Variants in GNG2 observed in about 807,000 individuals in gnomAD.
The protein encoded by GNG2 is G protein subunit gamma 2.
A neutral mutation model predicts 5.5 loss-of-function variants in GNG2; 5 were observed. That is an observed-to-expected ratio of 0.91 (90% confidence interval 0.48 to 1.92). The LOEUF (loss-of-function observed/expected upper bound fraction) is 1.92. GNG2 is among the 30% of genes most tolerant of loss of function. GNG2 has a pLI of 0.01. For missense variants in GNG2, 55 were observed against 88.4 expected (o/e 0.62, Z 1.52); for synonymous variants, 28 against 32.0 (o/e 0.88, Z 0.42).
At chr14:51,866,227 T>G (rs1272653700) in intron 1 of GNG2, among the ~76,000 whole-genome samples, 1 of 152,134 alleles carries the variant, frequency 6.6e-6, no homozygotes, top group Non-Finnish European at 1.5e-5. Flanking sequence ...CACTCAGAGG[T>G]AGAGGAGAGG....
chr14:51,924,388 TTTGAG>T (rs746012597), intron 2 of GNG2, among the ~76,000 whole-genome samples: 23 of 152,222 alleles, frequency 1.5e-4, no homozygotes, highest in Non-Finnish European at 2.6e-4. Context: ...GGCTTATTCA[TTTGAG>T]TTGAGATTAG....
At chr14:51,932,947 A>G (rs1887752963) in intron 2 of GNG2, among the ~76,000 whole-genome samples, 1 of 152,198 alleles carries the variant, frequency 6.6e-6, no homozygotes, top group Non-Finnish European at 1.5e-5. Context: ...AAGAGAGGAC[A>G]GAGGGAGATG....
At chr14:51,874,674 G>A (rs558044874) in intron 1 of GNG2, among the ~76,000 whole-genome samples, 2 of 151,960 alleles carry the variant, frequency 1.3e-5, no homozygotes, top group Admixed American at 6.6e-5. Context: ...AATTGAGGCT[G>A]CAGTGAGCCA....
At chr14:51,871,471 C>T (rs1022591450) in intron 1 of GNG2, among the ~76,000 whole-genome samples, 3 of 152,086 alleles carry the variant, frequency 2.0e-5, no homozygotes, top group Non-Finnish European at 4.4e-5. Flanking sequence ...GTCAGAATTA[C>T]TTGGGCAAAT....
chr14:51,933,384 G>A (rs1469472152), intron 2 of GNG2, among the ~76,000 whole-genome samples: 1 of 152,088 alleles, frequency 6.6e-6, no homozygotes, highest in Admixed American at 6.6e-5. Context: ...TGAAGAAGAG[G>A]AAGTGGACAC....
intron 2 of GNG2, 138 bp downstream of exon 2, chr14:51,877,795 T>C (rs563195675): frequency 8.7e-6 from 2 of 230,816 alleles, no homozygotes; most frequent in South Asian, 4.5e-5. Context: ...CTTATCAATA[T>C]TGACATGACT....
chr14:51,851,341 A>T (rs184780400), intron 2 of GNG2, among the ~76,000 whole-genome samples: 1 of 152,372 alleles, frequency 6.6e-6, no homozygotes, highest in East Asian at 1.9e-4. Context: ...TGCTTTGATC[A>T]TAAGATGCAC....
chr14:51,859,683 C>T (rs761284118), upstream of GNG2, among the ~76,000 whole-genome samples: 13 of 152,132 alleles, frequency 8.5e-5, no homozygotes, highest in African/African-American at 1.2e-4. Flanking sequence ...TCATTAATGG[C>T]AATTTGGATT....
chr14:51,931,874 T>C (rs1207643914), intron 2 of GNG2, among the ~76,000 whole-genome samples: 1 of 152,128 alleles, frequency 6.6e-6, no homozygotes, highest in Non-Finnish European at 1.5e-5. Flanking sequence ...AAGAGATAGT[T>C]GTATAGCCAT....
At chr14:51,853,305 G>A (rs1881999470) in intron 2 of GNG2, among the ~76,000 whole-genome samples, 1 of 152,130 alleles carries the variant, frequency 6.6e-6, no homozygotes, top group African/African-American at 2.4e-5. Flanking sequence ...TCAGGGAGTG[G>A]CAGGTCTAGT....
At chr14:51,928,268 G>T in intron 2 of GNG2, among the ~76,000 whole-genome samples, 1 of 151,992 alleles carries the variant, frequency 6.6e-6, no homozygotes, top group East Asian at 1.9e-4. Context: ...CTGACCTCGT[G>T]ATCCACCCAC....
chr14:51,962,813 A>G (rs1228903021), intron 3 of GNG2, among the ~76,000 whole-genome samples: 1 of 152,224 alleles, frequency 6.6e-6, no homozygotes, highest in Non-Finnish European at 1.5e-5. Context: ...GAAAGCAGAA[A>G]GATCTGCTAG....
chr14:51,865,146 A>G (rs913079412), intron 1 of GNG2, among the ~76,000 whole-genome samples: 1 of 152,168 alleles, frequency 6.6e-6, no homozygotes, highest in Non-Finnish European at 1.5e-5. Context: ...TCTGTAATGC[A>G]CTTTGTCCAT....
intron 2 of GNG2, among the ~76,000 whole-genome samples, chr14:51,898,533 A>G (rs1338091049): frequency 1.3e-5 from 2 of 152,254 alleles, no homozygotes; most frequent in Non-Finnish European, 2.9e-5. Context: ...TTATTAAAGA[A>G]AGAAAGAGGA....
At chr14:51,826,517 C>A (rs1490743664) in intron 1 of GNG2, among the ~76,000 whole-genome samples, 1 of 152,074 alleles carries the variant, frequency 6.6e-6, no homozygotes, top group East Asian at 1.9e-4. Context: ...TCTCCAGAAC[C>A]AATACCCCAC....
intron 2 of GNG2, among the ~76,000 whole-genome samples, chr14:51,841,162 G>A (rs1024993272): frequency 6.6e-6 from 1 of 152,162 alleles, no homozygotes; most frequent in East Asian, 1.9e-4. Flanking sequence ...ACTTACAAAT[G>A]GAGGAAAATG....
chr14:51,910,007 A>G (rs930838214), intron 2 of GNG2, among the ~76,000 whole-genome samples: 6 of 152,252 alleles, frequency 3.9e-5, no homozygotes, highest in Non-Finnish European at 8.8e-5. Flanking sequence ...GATTCATTCA[A>G]CAATGAATAA....
At chr14:51,966,209 C>CAAAAAAAAAAAAAAAAAAAAAA (rs34653524) in intron 3 of GNG2, among the ~76,000 whole-genome samples, 2 of 28,144 alleles carry the variant, frequency 7.1e-5, no homozygotes, top group Non-Finnish European at 1.1e-4. Context: ...GACTGCATCT[C>CAAAAAAAAAAAAAAAAAAAAAA]AAAAAAAAAA....
chr14:51,940,276 C>T (rs1594941065), intron 2 of GNG2: 1 of 152,322 alleles, frequency 6.6e-6, no homozygotes, highest in Admixed American at 6.5e-5. Context: ...GGAGTGAGTC[C>T]AGCTCTCTGT....
Sources: gnomAD v4.1 joint callset for allele counts (sites outside exome capture counted in the v4.1 genomes callset) on GRCh38, gnomAD v4.1.1 for gene constraint, MANE v1.5 for transcripts, NCBI Gene and HGNC (gene_info 2026-07-23, HGNC 2026-07-21) for gene names.